SOX11: variants seen among roughly 807,000 people sequenced by gnomAD.
SOX11 encodes transcription factor SOX-11.
A neutral mutation model predicts 16.7 loss-of-function variants in SOX11; 5 were observed. That is an observed-to-expected ratio of 0.30 (90% CI 0.16 to 0.63). SOX11 has a LOEUF of 0.63. SOX11 is among the 20% of genes least tolerant of loss of function. The pLI is 0.82. For missense variants in SOX11, 492 were observed against 641.5 expected (o/e 0.77, Z 2.52); for synonymous variants, 363 against 298.8 (o/e 1.21, Z -2.22).
Position 5,699,750 on chromosome 2 carries a change from G to A in SOX11, c.*5703G>A, listed in dbSNP as rs967965680. 20 of 122,282 alleles carry A rather than the reference G, an allele frequency of 1.6e-4. No homozygotes were observed. Among genetic ancestry groups the A allele is most frequent in the African/African-American group, 5.5e-4 (16 of 29,040 alleles). 7.6% of individuals were successfully genotyped at this position (122,282 alleles called of 1,614,324 possible). On this transcript the variant is annotated 3_prime_UTR_variant, in exon 1 of 1. Coordinates refer to ENST00000322002, the MANE Select transcript of SOX11 (RefSeq NM_003108.4). Reference sequence around the variant, plus strand: ...TTTCCTTGATTCCTACCATACCTTCGTTTTTTTCATTGTACTTTTTTAACA... The same window carrying A: ...TTTCCTTGATTCCTACCATACCTTCATTTTTTTCATTGTACTTTTTTAACA...
In SOX11 at chr2:5,693,243, G is replaced by C. The variant is rs1665667530; in HGVS notation, c.522G>C (p.Ala174=). 7.2e-7 allele frequency: 1 copy of C among 1,381,340 alleles called. No individual in the cohort carries two copies. Among genetic ancestry groups the C allele is most frequent in the South Asian group, 1.7e-5 (1 of 57,910 alleles). The allele number at this position is 1,381,340 out of a possible 1,614,324, so 85.6% of individuals were successfully genotyped here. The part of the protein sequence containing the change: ...SKKCGKLKAP[A]AAGAKAGAGK... ...AATGCGGCAAGCTCAAGGCCCCCGC[G>C]GCCGCGGGCGCCAAGGCGGGCGCGG... Residue 174 remains alanine, a synonymous_variant, in exon 1 of 1, where the codon GCG becomes GCC. Transcript: ENST00000322002. This position sits in a 1 kb window ranked among gnomAD's most constrained non-coding sequence, Gnocchi z 8.6.
In SOX11 at chr2:5,692,918, A is replaced by C; in HGVS notation, c.197A>C (p.Lys66Thr). The part of the protein sequence containing the change: ...FMVWSKIERR[K>T]IMEQSPDMHN... ...GTATGGTCCAAGATCGAACGCAGGA[A>C]GATCATGGAGCAGTCTCCGGACATG... is the stretch of plus-strand genomic sequence containing the variant. The change falls in exon 1 of 1, where the codon AAG (lysine) becomes ACG (threonine). Residue 66 changes from lysine (K) to threonine (T), a missense_variant. Around this residue, in one of 4 missense-constraint regions of SOX11, gnomAD observed 28 missense variants for 125.6 expected, o/e 0.22. Coordinates refer to ENST00000322002, the MANE Select transcript of SOX11 (RefSeq NM_003108.4). 1 of 1,614,074 alleles carries C rather than the reference A, an allele frequency of 6.2e-7. No homozygotes were observed.
rs975027495 is a variant in SOX11 at position 5,699,462 on chromosome 2, A to G, written c.*5415A>G. 1.8e-5 allele frequency: 3 copies of G among 166,974 alleles called. No individual in the cohort carries two copies. The highest frequency in any genetic ancestry group is 4.8e-5 in the African/African-American group (2 of 41,454). The allele number at this position is 166,974 out of a possible 1,614,324, so 10.3% of individuals were successfully genotyped here. ...AGTAACCGTCTCCATGTAACTCTTGACATACTTTTCTGAGATTTGGCTTAT... is the reference window on the plus strand; with the variant it reads ...AGTAACCGTCTCCATGTAACTCTTGGCATACTTTTCTGAGATTTGGCTTAT... On this transcript the variant is annotated 3_prime_UTR_variant, in exon 1 of 1. Transcript: ENST00000322002.
rs548654244 is a variant in SOX11 at position 5,699,815 on chromosome 2, T to C, written c.*5768T>C. ...TAGCTGCCTAATTAGTTTTATCTGT[T>C]CCATGTGGATGCAGTGAGTTTATAA... On this transcript the variant is annotated 3_prime_UTR_variant, in exon 1 of 1. Transcript: ENST00000322002. 1 of 167,066 alleles carries C rather than the reference T, an allele frequency of 6.0e-6. No homozygotes were observed. The highest frequency in any genetic ancestry group is 2.1e-4 in the South Asian group (1 of 4,826). The allele number at this position is 167,066 out of a possible 1,614,324, so 10.3% of individuals were successfully genotyped here.
Position 5,698,535 on chromosome 2 carries a change from A to G in SOX11, c.*4488A>G, listed in dbSNP as rs532347415. The G allele has an allele frequency of 6.3e-6, 1 of 159,138 alleles. No homozygotes were observed. The highest frequency in any genetic ancestry group is 2.0e-4 in the East Asian group (1 of 4,898). 9.9% of individuals were successfully genotyped at this position (159,138 alleles called of 1,614,324 possible). A position where few individuals can be genotyped will look rare whatever the true frequency, so the allele number is the denominator to read the frequency against. Reference sequence around the variant, plus strand: ...TAATTTCCAGTTCTTACACTCTGATACGCATCCCTTTTATTTAAAAAAAAA... The same window carrying G: ...TAATTTCCAGTTCTTACACTCTGATGCGCATCCCTTTTATTTAAAAAAAAA... On this transcript the variant is annotated 3_prime_UTR_variant, in exon 1 of 1. Transcript: ENST00000322002.
In SOX11 at chr2:5,693,702, G is replaced by A; in HGVS notation, c.981G>A (p.Ala327=). 1 of 1,599,350 alleles carries A rather than the reference G, an allele frequency of 6.3e-7. No individual in the cohort carries two copies. The highest frequency in any genetic ancestry group is 8.5e-7 in the Non-Finnish European group (1 of 1,177,470). ...NITKQHPPPL[A]QPALSPASSR... is the part of the protein sequence containing the mutation. ...CCAAGCAGCACCCGCCGCCGCTCGCGCAGCCCGCGCTGTCGCCCGCGTCCT... is the reference window on the plus strand; with the variant it reads ...CCAAGCAGCACCCGCCGCCGCTCGCACAGCCCGCGCTGTCGCCCGCGTCCT... The change falls in exon 1 of 1, where the codon GCG becomes GCA. Residue 327 remains alanine (A), a synonymous_variant. Transcript: ENST00000322002. This position sits in a 1 kb window ranked among gnomAD's most constrained non-coding sequence, Gnocchi z 8.6.
rs1665735874 is a variant in SOX11, at chr2:5,696,720, C to T, written c.*2673C>T. ...GCGCTGGCTTCCCGGGCCCGCGGGC[C>T]GGGGAGGGAAGCCTCGGGGCTGCGG... is the stretch of plus-strand genomic sequence containing the variant. On this transcript the variant is annotated 3_prime_UTR_variant, in exon 1 of 1. Transcript: ENST00000322002. 1 of 151,876 alleles carries T rather than the reference C, an allele frequency of 6.6e-6. No individual in the cohort carries two copies. Among genetic ancestry groups the T allele is most frequent in the East Asian group, 2.0e-4 (1 of 5,074 alleles). The allele number at this position is 151,876 out of a possible 1,614,324, so 9.4% of individuals were successfully genotyped here. A position where few individuals can be genotyped will look rare whatever the true frequency, so the allele number is the denominator to read the frequency against.
chr2:5,693,855 G>A lies in SOX11; in HGVS notation c.1134G>A (p.Glu378=). Residue 378 remains glutamate (E), a synonymous_variant, in exon 1 of 1, where the codon GAG becomes GAA. Coordinates refer to ENST00000322002, the MANE Select transcript of SOX11 (RefSeq NM_003108.4). The surrounding 1 kb of genome is among the most constrained non-coding windows in gnomAD (Gnocchi z 8.6). ...CTCAAAGCGCGCACAGCGCCAGCGA[G>A]CAGCAGCTGGGGGGCGGCGCGGCGG... is the stretch of plus-strand genomic sequence containing the variant. ...NFSQSAHSAS[E]QQLGGGAAAG... The A allele has an allele frequency of 6.4e-7, 1 of 1,551,346 alleles. No homozygotes were observed. Among genetic ancestry groups the A allele is most frequent in the Non-Finnish European group, 8.7e-7 (1 of 1,146,958 alleles).
At position 5,696,501 on chromosome 2, in the gene SOX11, G is replaced by C. The variant is rs1006123795; in HGVS notation, c.*2454G>C. On this transcript the variant is annotated 3_prime_UTR_variant, in exon 1 of 1. Transcript: ENST00000322002. ...TGTGCGATCCGAGTCGCGGTCTCCG[G>C]GGTGCCTGGGAGGGCCGAACCACTG... is the stretch of plus-strand genomic sequence containing the variant. The C allele has an allele frequency of 6.4e-6, 1 of 155,402 alleles. No individual in the cohort carries two copies. Among genetic ancestry groups the C allele is most frequent in the African/African-American group, 2.4e-5 (1 of 41,450 alleles). The allele number at this position is 155,402 out of a possible 1,614,324, so 9.6% of individuals were successfully genotyped here.
rs999346836 is a variant in SOX11, at chr2:5,698,802, A to C, written c.*4755A>C. On this transcript the variant is annotated 3_prime_UTR_variant, in exon 1 of 1. Coordinates refer to ENST00000322002, the MANE Select transcript of SOX11 (RefSeq NM_003108.4). ...TAGTTGCTTTTTTCATGAAAGAAAAAGACTCAAAAGACAAGACTTATTTTT... is the reference window on the plus strand; with the variant it reads ...TAGTTGCTTTTTTCATGAAAGAAAACGACTCAAAAGACAAGACTTATTTTT... 1 of 167,096 alleles carries C rather than the reference A, an allele frequency of 6.0e-6. No individual in the cohort carries two copies. Among genetic ancestry groups the C allele is most frequent in the South Asian group, 2.1e-4 (1 of 4,832 alleles). The allele number at this position is 167,096 out of a possible 1,614,324, so 10.4% of individuals were successfully genotyped here.
rs751838063 is a variant in SOX11, at chr2:5,693,573, G to T, written c.852G>T (p.Ser284=). Residue 284 remains serine (S), a synonymous_variant, in exon 1 of 1, where the codon TCG becomes TCT. Transcript: ENST00000322002. The surrounding 1 kb of genome is among the most constrained non-coding windows in gnomAD (Gnocchi z 8.6). The part of the protein sequence containing the change: ...KVPASPTLSS[S]AESPEGASLY... The stretch of plus-strand genomic sequence containing the variant: ...CCGCCAGCCCTACGCTGAGCAGCTC[G>T]GCGGAGTCCCCCGAGGGAGCGAGCC... 2 of 1,561,922 alleles carry T rather than the reference G, an allele frequency of 1.3e-6. No individual in the cohort carries two copies. Among genetic ancestry groups the T allele is most frequent in the Non-Finnish European group, 1.7e-6 (2 of 1,161,226 alleles).
In SOX11 at chr2:5,698,415, T is replaced by C. The variant is rs1012130902; in HGVS notation, c.*4368T>C. The C allele has an allele frequency of 6.0e-6, 1 of 167,108 alleles. No individual in the cohort carries two copies. The highest frequency in any genetic ancestry group is 2.1e-4 in the South Asian group (1 of 4,832). The allele number at this position is 167,108 out of a possible 1,614,324, so 10.4% of individuals were successfully genotyped here. On this transcript the variant is annotated 3_prime_UTR_variant, in exon 1 of 1. Coordinates refer to ENST00000322002, the MANE Select transcript of SOX11 (RefSeq NM_003108.4). ...CCAGTGGGGATCCTGCTGTTTATTA[T>C]AAGTAGTTCACAGACTCTGATGGCA...
Position 5,693,772 on chromosome 2 carries a change from A to T in SOX11, c.1051A>T (p.Ser351Cys). ...CTCGTCCAGCAGCAGCGGCAGCAGCAGCGGCAGCAGCGGCGAGGACGCCGA... is the reference window on the plus strand; with the variant it reads ...CTCGTCCAGCAGCAGCGGCAGCAGCTGCGGCAGCAGCGGCGAGGACGCCGA... ...TSSSSSSGSS[S>C]GSSGEDADDL... The change falls in exon 1 of 1, where the codon AGC becomes TGC. Residue 351 changes from serine to cysteine, a missense_variant. Ser to Cys is a moderately radical substitution (Grantham distance 112). Around this residue, in one of 4 missense-constraint regions of SOX11, gnomAD observed 389 missense variants for 389.0 expected, o/e 1.00. Transcript: ENST00000322002. This position sits in a 1 kb window ranked among gnomAD's most constrained non-coding sequence, Gnocchi z 8.6. 1 of 1,569,676 alleles carries T rather than the reference A, an allele frequency of 6.4e-7. No homozygotes were observed.
Position 5,694,102 on chromosome 2 carries a change from G to C in SOX11, c.*55G>C. On this transcript the variant is annotated 3_prime_UTR_variant, in exon 1 of 1. Coordinates refer to ENST00000322002, the MANE Select transcript of SOX11 (RefSeq NM_003108.4). ...GAGGGTGCAGAGCTGGGTTCCTTGG[G>C]AGGAAGTTGTAGTGGTGATGATGAT... 6 of 1,491,684 alleles carry C rather than the reference G, an allele frequency of 4.0e-6. No homozygotes were observed. The highest frequency in any genetic ancestry group is 3.6e-6 in the Non-Finnish European group (4 of 1,120,576). 92.4% of individuals were successfully genotyped at this position (1,491,684 alleles called of 1,614,324 possible).
At position 5,693,168 on chromosome 2, in the gene SOX11, C is replaced by A. The variant is rs943373465; in HGVS notation, c.447C>A (p.Ser149Arg). 3 of 1,572,922 alleles carry A rather than the reference C, an allele frequency of 1.9e-6. No individual in the cohort carries two copies. Among genetic ancestry groups the A allele is most frequent in the African/African-American group, 1.4e-5 (1 of 73,812 alleles). The change falls in exon 1 of 1, where the codon AGC becomes AGA. Residue 149 changes from serine (S) to arginine (R), a missense_variant. This residue lies in a region of SOX11 where 389 missense variants were observed against 389.0 expected (regional missense o/e 1.00). Transcript: ENST00000322002. The surrounding 1 kb of genome is among the most constrained non-coding windows in gnomAD (Gnocchi z 8.6). ...GCGCGGCCGGCGGCGGCGGCGGGAGCGCGGGCGGAGGCGCGGGCGGTGCCA... is the reference window on the plus strand; with the variant it reads ...GCGCGGCCGGCGGCGGCGGCGGGAGAGCGGGCGGAGGCGCGGGCGGTGCCA... ...EKSAAGGGGG[S>R]AGGGAGGAKT...
chr2:5,699,910 T>C lies in SOX11; in HGVS notation c.*5863T>C, dbSNP rs969573699. On this transcript the variant is annotated 3_prime_UTR_variant, in exon 1 of 1. Transcript: ENST00000322002. ...CAGAATTTTAAAGGAGACCTATTTT[T>C]ATACTCAATAAAAGCACAAAAGTGC... 6.0e-6 allele frequency: 1 copy of C among 167,170 alleles called. No individual in the cohort carries two copies. The highest frequency in any genetic ancestry group is 2.4e-5 in the African/African-American group (1 of 41,578). 10.4% of individuals were successfully genotyped at this position (167,170 alleles called of 1,614,324 possible). A position where few individuals can be genotyped will look rare whatever the true frequency, so the allele number is the denominator to read the frequency against.
Position 5,694,559 on chromosome 2 carries a change from G to C in SOX11, c.*512G>C, listed in dbSNP as rs916642756. On this transcript the variant is annotated 3_prime_UTR_variant, in exon 1 of 1. Coordinates refer to ENST00000322002, the MANE Select transcript of SOX11 (RefSeq NM_003108.4). ...AGAGGACCCTTTTGGCAGCACAACTGTTACTCTAGGGAGTTGGTGGAGATA... is the reference window on the plus strand; with the variant it reads ...AGAGGACCCTTTTGGCAGCACAACTCTTACTCTAGGGAGTTGGTGGAGATA... 1.8e-5 allele frequency: 4 copies of C among 226,446 alleles called. No homozygotes were observed. Among genetic ancestry groups the C allele is most frequent in the Non-Finnish European group, 3.7e-5 (4 of 109,124 alleles). The allele number at this position is 226,446 out of a possible 1,614,324, so 14.0% of individuals were successfully genotyped here. A position where few individuals can be genotyped will look rare whatever the true frequency, so the allele number is the denominator to read the frequency against.
In SOX11 at chr2:5,692,721, C is replaced by T. The variant is rs1391211238; in HGVS notation, c.-1C>T. 1.3e-6 allele frequency: 2 copies of T among 1,578,036 alleles called. No individual in the cohort carries two copies. The highest frequency in any genetic ancestry group is 2.3e-5 in the East Asian group (1 of 44,330). On this transcript the variant is annotated 5_prime_UTR_variant, in exon 1 of 1. Coordinates refer to ENST00000322002, the MANE Select transcript of SOX11 (RefSeq NM_003108.4). Reference sequence around the variant, plus strand: ...TGGAGCGTCCAGCCCTGCAGCGGATCATGGTGCAGCAGGCGGAGAGCTTGG... The same window carrying T: ...TGGAGCGTCCAGCCCTGCAGCGGATTATGGTGCAGCAGGCGGAGAGCTTGG...
At position 5,695,647 on chromosome 2, in the gene SOX11, C is replaced by A. The variant is rs1048812076; in HGVS notation, c.*1600C>A. 6.1e-6 allele frequency: 1 copy of A among 163,120 alleles called. No individual in the cohort carries two copies. The highest frequency in any genetic ancestry group is 1.5e-5 in the Non-Finnish European group (1 of 67,698). The allele number at this position is 163,120 out of a possible 1,614,324, so 10.1% of individuals were successfully genotyped here. A position where few individuals can be genotyped will look rare whatever the true frequency, so the allele number is the denominator to read the frequency against. On this transcript the variant is annotated 3_prime_UTR_variant, in exon 1 of 1. Coordinates refer to ENST00000322002, the MANE Select transcript of SOX11 (RefSeq NM_003108.4). ...AGCTGGAACTGATAGAAACTCGCAT[C>A]GCCAATAGTCTCTATGGAAGTCAAA...
Sources: allele counts gnomAD v4.1 joint callset, GRCh38; gene constraint gnomAD v4.1.1; regional missense constraint gnomAD v4.1.1; non-coding constraint Gnocchi (gnomAD v3.1); transcripts MANE v1.5; gene names NCBI Gene and HGNC (gene_info 2026-07-23, HGNC 2026-07-21).